The following DDX60L variants were observed in gnomAD, a reference collection of about 807,000 sequenced individuals.
DDX60L encodes DExD/H-box 60 like.
In DDX60L, 191 loss-of-function variants were observed where a neutral mutation model predicts 211.6. That is an observed-to-expected ratio of 0.90 (90% CI 0.80 to 1.02). The LOEUF (loss-of-function observed/expected upper bound fraction) is 1.02. DDX60L is among the 50% of genes least tolerant of loss of function. The probability of loss-of-function intolerance (pLI) is 0.00; values close to 1 mark genes in which losing one functional copy is unlikely to be tolerated. For missense variants in DDX60L, 2,007 were observed against 1,984.1 expected (o/e 1.01, Z -0.22); for synonymous variants, 706 against 694.1 (o/e 1.02, Z -0.27).
intron 1 of DDX60L, among the ~76,000 whole-genome samples, chr4:168,473,970 G>T (rs185721610): frequency 6.6e-6 from 1 of 152,170 alleles, no homozygotes; most frequent in Admixed American, 6.5e-5. Flanking sequence ...GGGACAGAAA[G>T]CAGAATGCAT....
intron 34 of DDX60L, 26 bp from the exon 35 acceptor site, chr4:168,373,834 T>C: frequency 6.2e-7 from 1 of 1,605,862 alleles, no homozygotes; most frequent in Non-Finnish European, 8.5e-7. Context: ...TAGGTCACGT[T>C]AGGTTTTAAA....
intron 10 of DDX60L, among the ~76,000 whole-genome samples, chr4:168,433,575 T>C (rs953131887): frequency 6.6e-6 from 1 of 152,210 alleles, no homozygotes; most frequent in Non-Finnish European, 1.5e-5. Context: ...GAGCCTTCTT[T>C]AATTTCTATT....
intron 13 of DDX60L, 38 bp downstream of exon 13, chr4:168,430,440 A>G (rs1027125008): frequency 6.5e-7 from 1 of 1,529,606 alleles, no homozygotes; most frequent in Non-Finnish European, 8.7e-7. Flanking sequence ...ACAAAACAAC[A>G]TCAAAGAAAA....
chr4:168,411,960 C>T (rs1276709423), intron 22 of DDX60L, among the ~76,000 whole-genome samples: 5 of 151,680 alleles, frequency 3.3e-5, no homozygotes, highest in African/African-American at 7.3e-5. Flanking sequence ...TCCAGGCCCT[C>T]GCTCCCAGAC....
chr4:168,446,136 G>A (rs1423814071), intron 9 of DDX60L, among the ~76,000 whole-genome samples: 14 of 150,848 alleles, frequency 9.3e-5, no homozygotes, highest in Admixed American at 7.9e-4. Flanking sequence ...AAACCCCATT[G>A]TCTCAGCCCA....
intron 29 of DDX60L, among the ~76,000 whole-genome samples, chr4:168,385,254 C>A (rs1011174215): frequency 6.6e-6 from 1 of 152,146 alleles, no homozygotes; most frequent in Non-Finnish European, 1.5e-5. Context: ...TTTAATTCTT[C>A]AGGCCTGTGT....
chr4:168,432,934 C>A, intron 11 of DDX60L, 76 bp downstream of exon 11: 1 of 849,646 alleles, frequency 1.2e-6, no homozygotes, highest in Non-Finnish European at 1.9e-6. Flanking sequence ...ATTACATAGA[C>A]ATTTTGATGA....
At chr4:168,422,969 T>TTGTG (rs5863932) in intron 15 of DDX60L, among the ~76,000 whole-genome samples, 30 of 133,042 alleles carry the variant, frequency 2.3e-4, no homozygotes, top group East Asian at 4.1e-4. Flanking sequence ...GTGGCTAATA[T>TTGTG]TGTGTGTGTG....
chr4:168,440,742 C>A (rs1753709675), intron 10 of DDX60L, among the ~76,000 whole-genome samples: 1 of 152,182 alleles, frequency 6.6e-6, no homozygotes, highest in Non-Finnish European at 1.5e-5. Flanking sequence ...ATTAGTTCCT[C>A]CTTCATATCC....
rs116131555 is a variant in DDX60L, at chr4:168,413,868, A to G, written c.2979+1540T>C. 5.1e-3 allele frequency among the ~76,000 whole-genome samples: 777 copies of G among 152,246 alleles called. 6 individuals carry two copies. Among genetic ancestry groups the G allele is most frequent in the African/African-American group, 0.017 (727 of 41,544 alleles). On this transcript the variant is annotated intron_variant, in intron 22 of 37. Transcript: ENST00000682922. ...CCCAAACCTAGAGAAATATACCAAT[A>G]CTCATATACAAGAAGATATAGAACA...
intron 1 of DDX60L, among the ~76,000 whole-genome samples, chr4:168,474,036 G>A (rs1201026861): frequency 2.0e-5 from 3 of 152,176 alleles, no homozygotes; most frequent in African/African-American, 7.2e-5. Context: ...CGCTGCACTT[G>A]GGGGTGGGAG....
intron 4 of DDX60L, chr4:168,470,884 G>A: frequency 3.8e-6 from 1 of 266,590 alleles, no homozygotes. Flanking sequence ...ACTCAAGAAG[G>A]CAATAGAAAG....
intron 36 of DDX60L, among the ~76,000 whole-genome samples, chr4:168,363,481 T>C (rs1486493049): frequency 6.6e-6 from 1 of 151,946 alleles, no homozygotes; most frequent in Non-Finnish European, 1.5e-5. Flanking sequence ...GTCAAAATGG[T>C]CAAAAAACAA....
chr4:168,472,043 G>GC, intron 3 of DDX60L, 107 bp from the exon 4 acceptor site: 1 of 812,156 alleles, frequency 1.2e-6, no homozygotes, highest in South Asian at 1.8e-5. Context: ...AGTACCTCAT[G>GC]CCAGTCCATG....
In DDX60L at chr4:168,433,069, T is replaced by C. The variant is rs777225109; in HGVS notation, c.1341A>G (p.Thr447=). Residue 447 remains threonine, a synonymous_variant, in exon 11 of 38, where the codon ACA becomes ACG. Coordinates refer to ENST00000682922, the MANE Select transcript of DDX60L (RefSeq NM_001012967.3). ...CAACAAACTCATCAATTACAGCAGA[T>C]GTCATTGGAATAAAGCCCACACTAG... The part of the protein sequence containing the change: ...KMPSVGFIPM[T]SAVIDEFVGD... 13 of 1,609,836 alleles carry C rather than the reference T, an allele frequency of 8.1e-6. No individual in the cohort carries two copies. The South Asian group carries it at 1.2e-4, about 15-fold the overall frequency.
At chr4:168,478,610 C>T (rs575704777) in intron 1 of DDX60L, among the ~76,000 whole-genome samples, 1 of 152,178 alleles carries the variant, frequency 6.6e-6, no homozygotes, top group Non-Finnish European at 1.5e-5. Context: ...TTTCCACCCA[C>T]ATCAACATAG....
chr4:168,385,332 T>C (rs1560960860), intron 29 of DDX60L, among the ~76,000 whole-genome samples: 1 of 152,104 alleles, frequency 6.6e-6, no homozygotes, highest in Admixed American at 6.5e-5. Flanking sequence ...ATACACGGAG[T>C]TTCCTGGAGG....
At chr4:168,416,822 G>T in intron 19 of DDX60L, 25 bp from the exon 20 acceptor site, 1 of 1,300,230 alleles carries the variant, frequency 7.7e-7, no homozygotes, top group Non-Finnish European at 1.1e-6. Flanking sequence ...AAAATCAGTT[G>T]AAAAGTTGAT....
At chr4:168,459,192 AGAAGAAAAGAAGGCCAGGCAT>A (rs1374787011) in intron 5 of DDX60L, among the ~76,000 whole-genome samples, 1 of 152,190 alleles carries the variant, frequency 6.6e-6, no homozygotes, top group African/African-American at 2.4e-5. Context: ...CATCAATTTA[AGAAGAAAAGAAGGCCAGGCAT>A]GATGGCTCAT....
Sources: gnomAD v4.1 joint callset for allele counts (sites outside exome capture counted in the v4.1 genomes callset) on GRCh38, gnomAD v4.1.1 for gene constraint, MANE v1.5 for transcripts, NCBI Gene and HGNC (gene_info 2026-07-23, HGNC 2026-07-21) for gene names.